PTPRO: variants seen among roughly 807,000 people sequenced by gnomAD.
PTPRO encodes receptor-type tyrosine-protein phosphatase O.
In PTPRO, 62 loss-of-function variants were observed where a neutral mutation model predicts 145.2. The observed-to-expected ratio is 0.43, with a 90% CI of 0.35 to 0.53. PTPRO has a LOEUF of 0.53. Ranked by LOEUF, PTPRO falls within the 20% of genes least tolerant of loss-of-function variation. The pLI is 0.01. For missense variants in PTPRO, 1,345 were observed against 1,482.7 expected (o/e 0.91, Z 1.53); for synonymous variants, 565 against 514.7 (o/e 1.10, Z -1.32).
At chr12:15,575,475 TC>T (rs1363098724) in intron 19 of PTPRO, among the ~76,000 whole-genome samples, 1 of 152,196 alleles carries the variant, frequency 6.6e-6, no homozygotes, top group African/African-American at 2.4e-5. Flanking sequence ...ATCTTGGACT[TC>T]CCAGCCTCCA....
At chr12:15,586,758 C>G in intron 23 of PTPRO, 139 bp from the exon 24 acceptor site, 1 of 885,636 alleles carries the variant, frequency 1.1e-6, no homozygotes, top group African/African-American at 1.7e-5. Context: ...AGATATGGTG[C>G]TCAAAGCTGG....
chr12:15,413,388 C>T (rs1361060089), intron 1 of PTPRO, among the ~76,000 whole-genome samples: 1 of 152,052 alleles, frequency 6.6e-6, no homozygotes, highest in Non-Finnish European at 1.5e-5. Flanking sequence ...TTGAACCTGG[C>T]CTGATTAAAG....
At position 15,404,522 on chromosome 12, in the gene PTPRO, A is replaced by G. The variant is rs960646096; in HGVS notation, c.76-79452A>G. On this transcript the variant is annotated intron_variant, in intron 1 of 26. Coordinates refer to ENST00000281171, the MANE Select transcript of PTPRO (RefSeq NM_030667.3). ...GAATAATATTATAATCAACTTGTGT[A>G]TTAAAAATGTCTCCACTTTGCTCTT... is the stretch of plus-strand genomic sequence containing the variant. 2.6e-5 allele frequency among the ~76,000 whole-genome samples: 4 copies of G among 152,288 alleles called. No homozygotes were observed. The South Asian group carries it at 8.3e-4, about 32-fold the overall frequency.
intron 8 of PTPRO, 128 bp from the exon 9 acceptor site, chr12:15,516,635 A>AGGGGAGGG (rs879130363): frequency 1.5e-6 from 1 of 681,236 alleles, no homozygotes; most frequent in African/African-American, 2.0e-5. Context: ...GGAAGGAAGG[A>AGGGGAGGG]AGGGAGGGAG....
At chr12:15,579,086 A>G in intron 20 of PTPRO, 143 bp downstream of exon 20, 1 of 722,326 alleles carries the variant, frequency 1.4e-6, no homozygotes, top group Non-Finnish European at 2.5e-6. Context: ...CATTGATCTC[A>G]CTCTCCTTTG....
At chr12:15,488,687 T>G (rs1162617291) in intron 2 of PTPRO, among the ~76,000 whole-genome samples, 1 of 152,208 alleles carries the variant, frequency 6.6e-6, no homozygotes, top group Non-Finnish European at 1.5e-5. Flanking sequence ...TCCTTTGATA[T>G]TTCACTATAG....
At chr12:15,371,236 TA>T (rs200541198) in intron 1 of PTPRO, among the ~76,000 whole-genome samples, 7,887 of 141,290 alleles carry the variant, frequency 0.056, 322 homozygotes, top group Non-Finnish European at 0.077. Flanking sequence ...TCAAGCTCAC[TA>T]TTTTTTTTTT....
intron 1 of PTPRO, among the ~76,000 whole-genome samples, chr12:15,420,640 A>C (rs540832721): frequency 6.6e-6 from 1 of 152,100 alleles, no homozygotes; most frequent in South Asian, 2.1e-4. Flanking sequence ...CATGTCTGAC[A>C]GTAGTAAATA....
At chr12:15,551,393 C>G (rs1020783985) in intron 14 of PTPRO, among the ~76,000 whole-genome samples, 158 bp from the exon 15 acceptor site, 1 of 152,070 alleles carries the variant, frequency 6.6e-6, no homozygotes, top group East Asian at 1.9e-4. Flanking sequence ...TACAGTTGAC[C>G]AGGAAGAGGT....
intron 1 of PTPRO, among the ~76,000 whole-genome samples, chr12:15,352,283 G>C (rs114303702): frequency 1.1e-3 from 175 of 152,300 alleles, no homozygotes; most frequent in African/African-American, 4.0e-3. Flanking sequence ...TTCATAATTG[G>C]TAGCCAGGAA....
At chr12:15,437,022 C>T (rs562181471) in intron 1 of PTPRO, among the ~76,000 whole-genome samples, 1 of 152,060 alleles carries the variant, frequency 6.6e-6, no homozygotes, top group Admixed American at 6.5e-5. Context: ...CCTCCCTGCT[C>T]CATTCCTAGG....
intron 6 of PTPRO, among the ~76,000 whole-genome samples, chr12:15,504,959 T>C (rs1416768493): frequency 6.6e-6 from 1 of 152,170 alleles, no homozygotes; most frequent in Non-Finnish European, 1.5e-5. Context: ...ATGTCACCTC[T>C]GGCAAAAGAA....
At chr12:15,573,355 C>T (rs539779406) in intron 19 of PTPRO, among the ~76,000 whole-genome samples, 78 of 152,268 alleles carry the variant, frequency 5.1e-4, no homozygotes, top group African/African-American at 1.8e-3. Flanking sequence ...ACTCTACTTA[C>T]GTAAATGTTA....
chr12:15,327,365 G>T (rs1163296544), intron 1 of PTPRO, among the ~76,000 whole-genome samples: 1 of 152,008 alleles, frequency 6.6e-6, no homozygotes. Context: ...ACCTGTATGG[G>T]TGACCTACAA....
chr12:15,371,000 TG>T, intron 1 of PTPRO, among the ~76,000 whole-genome samples: 1 of 152,256 alleles, frequency 6.6e-6, no homozygotes, highest in South Asian at 2.1e-4. Flanking sequence ...CATAATGTAT[TG>T]CTAAACAAAA....
chr12:15,561,147 G>T (rs964749513), intron 17 of PTPRO, among the ~76,000 whole-genome samples: 2 of 152,004 alleles, frequency 1.3e-5, no homozygotes, highest in Non-Finnish European at 2.9e-5. Flanking sequence ...TTAATACCTA[G>T]TGTTTAGGTA....
intron 25 of PTPRO, among the ~76,000 whole-genome samples, chr12:15,592,296 A>G (rs1298953027): frequency 6.6e-6 from 1 of 152,214 alleles, no homozygotes; most frequent in Non-Finnish European, 1.5e-5. Flanking sequence ...TTTCACATGT[A>G]TCATCCTAGA....
Position 15,582,122 on chromosome 12 carries a change from A to C in PTPRO, c.3255+321A>C, listed in dbSNP as rs111229770. Among the ~76,000 whole-genome samples the C allele has an allele frequency of 0.041, 6,200 of 152,334 alleles. 389 individuals carry two copies. The highest frequency in any genetic ancestry group is 0.13 in the African/African-American group (5,604 of 41,566). On this transcript the variant is annotated intron_variant, in intron 23 of 26. Transcript: ENST00000281171. ...TGCAGCATGAACGTGTCCTTAAGGC[A>C]TAGGTTGCTCATGCTATTGTTTGTG...
In PTPRO at chr12:15,589,473, A is replaced by G. The variant is rs1944500523; in HGVS notation, c.3429A>G (p.Thr1143=). The G allele has an allele frequency of 6.2e-7, 1 of 1,614,018 alleles. No homozygotes were observed. The highest frequency in any genetic ancestry group is 8.5e-7 in the Non-Finnish European group (1 of 1,179,988). The part of the protein sequence containing the change: ...IIHCSAGVGR[T]GTFIALDRLL... ...TTTGCAGTGCTGGCGTGGGACGGAC[A>G]GGAACATTCATTGCCCTGGACAGGC... The change falls in exon 25 of 27, where the codon ACA becomes ACG. Residue 1143 remains threonine (T), a synonymous_variant. Coordinates refer to ENST00000281171, the MANE Select transcript of PTPRO (RefSeq NM_030667.3).
Sources: gnomAD v4.1 joint callset for allele counts (sites outside exome capture counted in the v4.1 genomes callset) on GRCh38, gnomAD v4.1.1 for gene constraint, MANE v1.5 for transcripts, NCBI Gene and HGNC (gene_info 2026-07-23, HGNC 2026-07-21) for gene names.